The following ARHGAP6 variants were observed in gnomAD, a reference collection of about 807,000 sequenced individuals.
ARHGAP6 encodes rho GTPase-activating protein 6.
In ARHGAP6, 16 loss-of-function variants were observed where a neutral mutation model predicts 55.7. That is an observed-to-expected ratio of 0.29 (90% CI 0.19 to 0.44). The LOEUF (loss-of-function observed/expected upper bound fraction) is 0.44. Ranked by LOEUF, ARHGAP6 falls within the 20% of genes least tolerant of loss-of-function variation. The probability of loss-of-function intolerance (pLI) is 1.00; values close to 1 mark genes in which losing one functional copy is unlikely to be tolerated. For missense variants in ARHGAP6, 698 were observed against 808.9 expected (o/e 0.86, Z 1.66); for synonymous variants, 382 against 360.9 (o/e 1.06, Z -0.66).
intron 1 of ARHGAP6, chrX:11,427,461 GC>G: frequency 2.2e-6 from 2 of 900,055 alleles, no homozygotes; most frequent in Middle Eastern, 4.1e-4. Flanking sequence ...CCTGTGGGGA[GC>G]CCCGACTACC....
At chrX:11,437,735 G>A (rs1204683302) in intron 1 of ARHGAP6, among the ~76,000 whole-genome samples, 1 of 111,998 alleles carries the variant, frequency 8.9e-6, no homozygotes, top group Non-Finnish European at 1.9e-5. Flanking sequence ...GGGACGCCCC[G>A]CCCCCAGGGT....
Position 11,585,848 on chromosome X carries a change from A to C in ARHGAP6, c.588+78393T>G, listed in dbSNP as rs1435768466. 3.6e-5 allele frequency among the ~76,000 whole-genome samples: 4 copies of C among 111,795 alleles called. No individual in the cohort carries two copies. In the East Asian group the frequency reaches 1.1e-3, roughly 32 times the overall value. On this transcript the variant is annotated intron_variant, in intron 1 of 12. Transcript: ENST00000337414. Reference sequence around the variant, plus strand: ...GCTGAGGAGGCCTCAGGGAACCTATAATCATGGCAGAAGGCGAAGGGTGAA... The same window carrying C: ...GCTGAGGAGGCCTCAGGGAACCTATCATCATGGCAGAAGGCGAAGGGTGAA...
At chrX:11,333,343 G>A (rs946979182) in intron 1 of ARHGAP6, among the ~76,000 whole-genome samples, 1 of 111,411 alleles carries the variant, frequency 9.0e-6, no homozygotes, top group African/African-American at 3.3e-5. Context: ...GTTTTATAAG[G>A]GGCTTTTGCC....
intron 1 of ARHGAP6, among the ~76,000 whole-genome samples, chrX:11,452,468 G>A (rs1285214232): frequency 8.9e-6 from 1 of 112,003 alleles, no homozygotes; most frequent in African/African-American, 3.3e-5. Flanking sequence ...TTTCTACAAT[G>A]TTTTACAGTC....
chrX:11,295,182 G>A (rs2048062419), intron 1 of ARHGAP6, among the ~76,000 whole-genome samples: 1 of 111,755 alleles, frequency 8.9e-6, no homozygotes, highest in East Asian at 2.8e-4. Flanking sequence ...GGTCTCCAGA[G>A]AAAGTGCTTA....
intron 1 of ARHGAP6, among the ~76,000 whole-genome samples, chrX:11,350,798 CA>C (rs1239369800): frequency 1.8e-5 from 2 of 111,097 alleles, no homozygotes; most frequent in East Asian, 5.6e-4. Flanking sequence ...TTGGGATTAG[CA>C]GAAAATAATT....
At chrX:11,245,176 CTT>C (rs781325312) in intron 2 of ARHGAP6, among the ~76,000 whole-genome samples, 28 of 112,293 alleles carry the variant, frequency 2.5e-4, no homozygotes, top group African/African-American at 9.0e-4. Flanking sequence ...ACTGCTCTAT[CTT>C]TTAATATAAT....
chrX:11,598,617 C>T (rs1341089551), intron 1 of ARHGAP6, among the ~76,000 whole-genome samples: 1 of 112,571 alleles, frequency 8.9e-6, no homozygotes. Flanking sequence ...TTTTCTGTTC[C>T]TATGTTAATT....
intron 1 of ARHGAP6, among the ~76,000 whole-genome samples, chrX:11,322,114 A>G (rs1025609354): frequency 8.9e-6 from 1 of 112,385 alleles, no homozygotes; most frequent in Non-Finnish European, 1.9e-5. Context: ...TCACTGGAGA[A>G]TAAAGAAAAC....
At chrX:11,503,160 T>C (rs1400388187) in intron 1 of ARHGAP6, among the ~76,000 whole-genome samples, 1 of 111,639 alleles carries the variant, frequency 9.0e-6, no homozygotes, top group African/African-American at 3.3e-5. Flanking sequence ...CCTCCCAAAG[T>C]GCTGAGATTA....
chrX:11,614,831 C>T (rs760703548), intron 1 of ARHGAP6, among the ~76,000 whole-genome samples: 1 of 111,422 alleles, frequency 9.0e-6, no homozygotes, highest in Non-Finnish European at 1.9e-5. Flanking sequence ...CACAGAAATA[C>T]ACAACACAAA....
At chrX:11,550,532 T>A (rs4830452) in intron 1 of ARHGAP6, among the ~76,000 whole-genome samples, 5 of 111,468 alleles carry the variant, frequency 4.5e-5, no homozygotes, top group African/African-American at 1.6e-4. Flanking sequence ...CTTTAGTTTC[T>A]AAATCTCCTG....
intron 12 of ARHGAP6, among the ~76,000 whole-genome samples, chrX:11,141,767 G>C (rs2045622432): frequency 8.9e-6 from 1 of 112,080 alleles, no homozygotes; most frequent in African/African-American, 3.2e-5. Flanking sequence ...TTCCCTGTTT[G>C]GGATTTATAA....
intron 1 of ARHGAP6, chrX:11,427,881 T>C: frequency 1.6e-6 from 1 of 616,448 alleles, no homozygotes; most frequent in Non-Finnish European, 1.9e-6. Context: ...CCGAGTCTGA[T>C]GCGATGGGCG....
chrX:11,245,518 A>G (rs1405661729), intron 2 of ARHGAP6, among the ~76,000 whole-genome samples: 1 of 112,011 alleles, frequency 8.9e-6, no homozygotes, highest in Non-Finnish European at 1.9e-5. Flanking sequence ...GCAAAGATCA[A>G]CTAATTTTTC....
At chrX:11,294,415 C>T (rs1271290029) in intron 1 of ARHGAP6, among the ~76,000 whole-genome samples, 1 of 112,246 alleles carries the variant, frequency 8.9e-6, no homozygotes, top group Admixed American at 9.4e-5. Flanking sequence ...TCTTCCCAAC[C>T]TTTAGAGCCA....
At chrX:11,185,681 A>C (rs892040210) in intron 5 of ARHGAP6, among the ~76,000 whole-genome samples, 2 of 112,439 alleles carry the variant, frequency 1.8e-5, no homozygotes, top group Non-Finnish European at 3.8e-5. Context: ...TTCTTAAGTC[A>C]ACTTAGTAAC....
chrX:11,174,688 A>T (rs113039295), intron 8 of ARHGAP6, among the ~76,000 whole-genome samples: 251 of 40,593 alleles, frequency 6.2e-3, no homozygotes, highest in African/African-American at 0.021. Context: ...TCTTTCTTTC[A>T]TTCATTTATT....
Position 11,139,039 on chromosome X carries a change from G to C in ARHGAP6, c.2749C>G (p.Arg917Gly). ...TTTTTCTGCGTGACCTGCTGCTCTC[G>C]CTCGGCTGCTTGGCCTCCCTGGTCC... Reference protein sequence around the residue: ...PTDQGGQAAEREQQVTQKKLS... With the variant: ...PTDQGGQAAEGEQQVTQKKLS... The change falls in exon 13 of 13, where the codon CGA (arginine) becomes GGA (glycine). Residue 917 changes from arginine (R) to glycine (G), a missense_variant. Physicochemically the swap from Arg to Gly is moderately radical, Grantham distance 125. This residue lies in a region of ARHGAP6 where 212 missense variants were observed against 208.7 expected (regional missense o/e 1.02). Transcript: ENST00000337414. The C allele has an allele frequency of 8.3e-7, 1 of 1,207,552 alleles. No individual in the cohort carries two copies. Among genetic ancestry groups the C allele is most frequent in the East Asian group, 3.0e-5 (1 of 33,704 alleles).
Sources: gnomAD v4.1 joint callset for allele counts (sites outside exome capture counted in the v4.1 genomes callset) on GRCh38, gnomAD v4.1.1 for gene constraint, gnomAD v4.1.1 regional missense constraint, MANE v1.5 for transcripts, NCBI Gene and HGNC (gene_info 2026-07-23, HGNC 2026-07-21) for gene names.